The following ELMO1 variants were observed in gnomAD, a reference collection of about 807,000 sequenced individuals.
ELMO1 encodes the protein engulfment and cell motility 1.
Under a neutral mutation model 98.9 loss-of-function variants are expected in ELMO1, and 26 were observed. The observed-to-expected ratio is 0.26, with a 90% confidence interval of 0.19 to 0.36. The LOEUF (loss-of-function observed/expected upper bound fraction) is 0.36. Among genes scored for constraint, ELMO1 ranks in the 10% least tolerant of loss-of-function variants. ELMO1 has a pLI of 1.00. For missense variants in ELMO1, 627 were observed against 935.2 expected (o/e 0.67, Z 4.30); for synonymous variants, 346 against 346.0 (o/e 1.00, Z 0.00).
At chr7:37,145,935 G>A (rs914093096) in intron 13 of ELMO1, among the ~76,000 whole-genome samples, 2 of 152,120 alleles carry the variant, frequency 1.3e-5, no homozygotes, top group Non-Finnish European at 2.9e-5. Context: ...AATGATACAT[G>A]CCTCCCTCTC....
chr7:37,216,864 G>GT (rs1409796409), intron 10 of ELMO1, among the ~76,000 whole-genome samples, 169 bp from the exon 11 acceptor site: 12 of 152,156 alleles, frequency 7.9e-5, no homozygotes, highest in African/African-American at 2.9e-4. Context: ...TTTTTTGACT[G>GT]TTTTATTTAG....
Position 37,342,566 on chromosome 7 carries a change from T to C in ELMO1, c.78+47A>G. On this transcript the variant is annotated intron_variant, in intron 2 of 21. Coordinates refer to ENST00000310758, the MANE Select transcript of ELMO1 (RefSeq NM_014800.11). The surrounding 1 kb of genome is among the most constrained non-coding windows in gnomAD (Gnocchi z 4.3). ...TCCAAAGTCTATGAAAATTCCAGTA[T>C]AGAAAGGAAACTGAAAATAGACACC... The C allele has an allele frequency of 6.3e-7, 1 of 1,576,652 alleles. No homozygotes were observed. Among genetic ancestry groups the C allele is most frequent in the Non-Finnish European group, 8.7e-7 (1 of 1,145,918 alleles).
intron 13 of ELMO1, among the ~76,000 whole-genome samples, chr7:37,194,409 T>C (rs533948032): frequency 1.2e-3 from 178 of 152,344 alleles, no homozygotes; most frequent in African/African-American, 3.9e-3. Flanking sequence ...AGCCCTGTGC[T>C]CCACACCTTT....
chr7:37,147,423 G>A (rs942823455), intron 13 of ELMO1, among the ~76,000 whole-genome samples: 10 of 152,082 alleles, frequency 6.6e-5, no homozygotes, highest in Admixed American at 3.3e-4. Context: ...TCTCTGGGCT[G>A]GACAACTCCA....
chr7:37,170,035 G>A (rs1389032575), intron 13 of ELMO1, among the ~76,000 whole-genome samples: 1 of 152,034 alleles, frequency 6.6e-6, no homozygotes, highest in East Asian at 1.9e-4. Context: ...CCGAGTAGCT[G>A]CGATTATAAG....
At chr7:37,311,903 C>A (rs2717993) in intron 4 of ELMO1, among the ~76,000 whole-genome samples, 54,613 of 152,042 alleles carry the variant, frequency 0.36, 11,136 homozygotes, top group Middle Eastern at 0.55. Context: ...TCAGGCAAAA[C>A]AAGATTCCCA....
intron 1 of ELMO1, among the ~76,000 whole-genome samples, chr7:37,414,016 G>A (rs1804108059): frequency 1.3e-5 from 2 of 149,642 alleles, no homozygotes; most frequent in Non-Finnish European, 3.0e-5. Flanking sequence ...CTGTGAAGTA[G>A]CAAAGTGAAA....
chr7:37,036,156 T>C (rs1241239441), intron 15 of ELMO1, among the ~76,000 whole-genome samples: 1 of 152,152 alleles, frequency 6.6e-6, no homozygotes, highest in African/African-American at 2.4e-5. Flanking sequence ...CTACACAGTT[T>C]GTTGGAGTAT....
chr7:36,902,057 G>T (rs1212734888), intron 16 of ELMO1, among the ~76,000 whole-genome samples: 3 of 152,200 alleles, frequency 2.0e-5, no homozygotes, highest in Admixed American at 6.5e-5. Flanking sequence ...TTCCACCACT[G>T]CAGTCCCCTG....
intron 1 of ELMO1, among the ~76,000 whole-genome samples, chr7:37,384,287 T>C (rs890257300): frequency 6.6e-6 from 1 of 152,204 alleles, no homozygotes; most frequent in Non-Finnish European, 1.5e-5. Flanking sequence ...ACTATGCACA[T>C]GTAATTACCT....
At chr7:37,083,158 C>T (rs1403355039) in intron 15 of ELMO1, among the ~76,000 whole-genome samples, 2 of 152,168 alleles carry the variant, frequency 1.3e-5, no homozygotes, top group African/African-American at 2.4e-5. Context: ...TCTTCTAATG[C>T]TTAATCTCTC....
rs555495282 is a variant in ELMO1 at position 37,442,921 on chromosome 7, A to G, written c.-74+5754T>C. Among the ~76,000 whole-genome samples, 4 of 152,364 alleles carry G rather than the reference A, an allele frequency of 2.6e-5. No individual in the cohort carries two copies. In the East Asian group the frequency reaches 7.7e-4, roughly 29 times the overall value. ...ATGGTGCAGGAGAAAGAAACAACGC[A>G]GTAAAACGAGTCAGAAAAGTTGGGT... On this transcript the variant is annotated intron_variant, in intron 1 of 21. Transcript: ENST00000310758.
At chr7:36,913,645 C>T (rs773795621) in intron 16 of ELMO1, among the ~76,000 whole-genome samples, 8 of 152,160 alleles carry the variant, frequency 5.3e-5, no homozygotes, top group Non-Finnish European at 1.0e-4. Context: ...TCTACTAGCC[C>T]CACCTTGGAG....
intron 16 of ELMO1, among the ~76,000 whole-genome samples, chr7:36,991,968 C>T (rs1367716911): frequency 6.6e-6 from 1 of 152,218 alleles, no homozygotes; most frequent in African/African-American, 2.4e-5. Flanking sequence ...CAGCACGCCC[C>T]ACTGTGGCCT....
At chr7:37,201,277 C>T (rs1355095833) in intron 13 of ELMO1, among the ~76,000 whole-genome samples, 1 of 152,178 alleles carries the variant, frequency 6.6e-6, no homozygotes, top group Non-Finnish European at 1.5e-5. Flanking sequence ...TTATTACTGT[C>T]ACATATTTTA....
intron 1 of ELMO1, among the ~76,000 whole-genome samples, chr7:37,346,900 A>C (rs971136798): frequency 6.6e-6 from 1 of 152,158 alleles, no homozygotes; most frequent in Non-Finnish European, 1.5e-5. Context: ...TTCAGGGAAA[A>C]CCTGTTGAAC....
chr7:37,001,765 G>A (rs969342151), intron 16 of ELMO1, among the ~76,000 whole-genome samples: 1 of 152,202 alleles, frequency 6.6e-6, no homozygotes, highest in South Asian at 2.1e-4. Flanking sequence ...TTCAGGTAGA[G>A]CCTAGGGTAG....
chr7:37,438,628 TAATAACCTC>T (rs1238280307), intron 1 of ELMO1, among the ~76,000 whole-genome samples: 6 of 151,750 alleles, frequency 4.0e-5, no homozygotes, highest in Non-Finnish European at 7.4e-5. Flanking sequence ...GAATCAGTGA[TAATAACCTC>T]AATAATAATA....
At position 37,125,211 on chromosome 7, in the gene ELMO1, AG is replaced by A. The variant is rs535779646; in HGVS notation, c.1191+7918del. ...AAAGAAAACCTAGGCATTACCATTC[AG>A]GACATAGGCACGGGCAAGGACTTCA... On this transcript the variant is annotated intron_variant, in intron 14 of 21. Coordinates refer to ENST00000310758, the MANE Select transcript of ELMO1 (RefSeq NM_014800.11). Among the ~76,000 whole-genome samples, 245 of 152,338 alleles carry A rather than the reference AG, an allele frequency of 1.6e-3. 1 individual carries two copies. The highest frequency in any genetic ancestry group is 2.9e-3 in the Non-Finnish European group (195 of 68,038).
Sources: gnomAD v4.1 joint callset for allele counts (sites outside exome capture counted in the v4.1 genomes callset) on GRCh38, gnomAD v4.1.1 for gene constraint, Gnocchi (gnomAD v3.1) non-coding constraint, MANE v1.5 for transcripts, NCBI Gene and HGNC (gene_info 2026-07-23, HGNC 2026-07-21) for gene names.